The following GRAP variants were observed in gnomAD, a reference collection of about 807,000 sequenced individuals.
GRAP encodes GRB2 related adaptor protein.
Under a neutral mutation model 9.1 loss-of-function variants are expected in GRAP, and 2 were observed. That is an observed-to-expected ratio of 0.22 (90% CI 0.09 to 0.69). GRAP has a LOEUF of 0.69. Ranked by LOEUF, GRAP falls within the 30% of genes least tolerant of loss-of-function variation. The pLI, the probability that GRAP is intolerant of heterozygous loss-of-function variation, is 0.81. For synonymous variants in GRAP, 68 were observed against 73.6 expected (o/e 0.92, Z 0.39); for missense variants, 113 against 179.4 (o/e 0.63, Z 2.12).
rs535140009 is a variant in GRAP, at chr17:19,022,063, T to A, written c.550A>T (p.Ile184Phe). ...TCTGGGCGCTCCAGGACCTCAATGA[T>A]GTCGCCACGGCGGAAGCTGAGCTGC... The part of the protein sequence containing the change: ...PSQLSFRRGD[I>F]IEVLERPDPH... Residue 184 changes from isoleucine (I) to phenylalanine (F), a missense_variant, in exon 5 of 5, where the codon ATC becomes TTC. Ile to Phe is a conservative substitution (Grantham distance 21). This residue lies in a region of GRAP where 113 missense variants were observed against 163.3 expected (regional missense o/e 0.69). Transcript: ENST00000284154. The A allele has an allele frequency of 6.3e-7, 1 of 1,594,718 alleles. No homozygotes were observed.
In GRAP at chr17:19,024,302, G is replaced by A; in HGVS notation, c.381C>T (p.Ser127=). 1.2e-6 allele frequency: 2 copies of A among 1,610,858 alleles called. No individual in the cohort carries two copies. The highest frequency in any genetic ancestry group is 1.7e-6 in the Non-Finnish European group (2 of 1,178,670). ...GGTAGAAGTCGACCAGCTCGTTGAG[G>A]GAGTTGAACTTCTCCTCCCACAGGA... ...KYFLWEEKFN[S]LNELVDFYRT... The change falls in exon 4 of 5, where the codon TCC becomes TCT. Residue 127 remains serine (S), a synonymous_variant. Transcript: ENST00000284154. This position sits in a 1 kb window ranked among gnomAD's most constrained non-coding sequence, Gnocchi z 4.2.
Position 19,021,655 on chromosome 17 carries a change from G to T in GRAP, c.*304C>A, listed in dbSNP as rs1319952416. On this transcript the variant is annotated 3_prime_UTR_variant, in exon 5 of 5. Coordinates refer to ENST00000284154, the MANE Select transcript of GRAP (RefSeq NM_006613.4). The surrounding 1 kb of genome is among the most constrained non-coding windows in gnomAD (Gnocchi z 4.1). The stretch of plus-strand genomic sequence containing the variant: ...AGTCCTCAACCTTCCTGGCAGATGG[G>T]GCCATTGACAAGAGGAGGTGGGCGG... The T allele has an allele frequency of 2.8e-5, 11 of 397,214 alleles. 1 individual carries two copies. In the East Asian group the frequency reaches 3.9e-4, roughly 14 times the overall value. 24.6% of individuals were successfully genotyped at this position (397,214 alleles called of 1,614,324 possible). A position where few individuals can be genotyped will look rare whatever the true frequency, so the allele number is the denominator to read the frequency against.
chr17:19,024,638 A>C lies in GRAP; in HGVS notation c.300-255T>G, dbSNP rs111811667. 0.022 allele frequency: 3,766 copies of C among 169,586 alleles called. 61 individuals carry two copies. Among genetic ancestry groups the C allele is most frequent in the Middle Eastern group, 0.053 (18 of 338 alleles). The allele number at this position is 169,586 out of a possible 1,614,324, so 10.5% of individuals were successfully genotyped here. A position where few individuals can be genotyped will look rare whatever the true frequency, so the allele number is the denominator to read the frequency against. On this transcript the variant is annotated intron_variant, in intron 3 of 4. Transcript: ENST00000284154. The surrounding 1 kb of genome is among the most constrained non-coding windows in gnomAD (Gnocchi z 4.2). ...GGCCACTTTCTCACTGTGTGACCTC[A>C]TGCAAGTCTCTCAACTTCTCTGAAC...
intron 1 of GRAP, among the ~76,000 whole-genome samples, chr17:19,043,942 C>CT (rs1328387112): frequency 2.0e-5 from 3 of 147,168 alleles, no homozygotes; most frequent in African/African-American, 7.4e-5. Flanking sequence ...TAGCTAATTT[C>CT]TTTTTCTTTT....
In GRAP at chr17:19,024,357, T is replaced by C. The variant is rs771072404; in HGVS notation, c.326A>G (p.Lys109Arg). 13 of 1,612,090 alleles carry C rather than the reference T, an allele frequency of 8.1e-6. No individual in the cohort carries two copies. Among genetic ancestry groups the C allele is most frequent in the Admixed American group, 3.3e-5 (2 of 59,902 alleles). Residue 109 changes from lysine to arginine, a missense_variant, in exon 4 of 5, where the codon AAG (lysine) becomes AGG (arginine). By Grantham distance (26) the Lys-to-Arg change is conservative. Around this residue, in one of 2 missense-constraint regions of GRAP, gnomAD observed 113 missense variants for 163.3 expected, o/e 0.69. Coordinates refer to ENST00000284154, the MANE Select transcript of GRAP (RefSeq NM_006613.4). This position sits in a 1 kb window ranked among gnomAD's most constrained non-coding sequence, Gnocchi z 4.2. ...CTTCCCCGAGGCCTCACGCAGCACCTTGAAGTGCTGCACCTGGTCTCCATA... is the reference window on the plus strand; with the variant it reads ...CTTCCCCGAGGCCTCACGCAGCACCCTGAAGTGCTGCACCTGGTCTCCATA... ...VNYGDQVQHFKVLREASGKYF... is the reference protein window; with the variant it reads ...VNYGDQVQHFRVLREASGKYF...
intron 4 of GRAP, among the ~76,000 whole-genome samples, chr17:19,023,256 G>A (rs2044287395): frequency 6.6e-6 from 1 of 152,182 alleles, no homozygotes; most frequent in African/African-American, 2.4e-5. Context: ...TCAGACCCCA[G>A]GGCTCATCCT....
At chr17:19,043,399 T>TG (rs1282953666) in intron 1 of GRAP, among the ~76,000 whole-genome samples, 2 of 148,954 alleles carry the variant, frequency 1.3e-5, no homozygotes, top group Non-Finnish European at 3.0e-5. Context: ...CTGAAGAGGG[T>TG]GGACCACCTG....
At chr17:19,023,998 C>T (rs1461827529) in intron 4 of GRAP, among the ~76,000 whole-genome samples, 2 of 152,192 alleles carry the variant, frequency 1.3e-5, no homozygotes, top group Non-Finnish European at 2.9e-5. Context: ...CTGTCCTTTG[C>T]TTTTCTTTCC....
chr17:19,024,089 T>C lies in GRAP; in HGVS notation c.468+126A>G, dbSNP rs1202136146. The C allele has an allele frequency of 5.3e-6, 5 of 946,942 alleles. No homozygotes were observed. Among genetic ancestry groups the C allele is most frequent in the African/African-American group, 3.3e-5 (2 of 60,858 alleles). The allele number at this position is 946,942 out of a possible 1,614,324, so 58.7% of individuals were successfully genotyped here. A position where few individuals can be genotyped will look rare whatever the true frequency, so the allele number is the denominator to read the frequency against. ...TTCGAAGCCTGGGCTGGACGCCTCT[T>C]GCAATACCAGGCTGCTGGGGAAGTG... On this transcript the variant is annotated intron_variant, in intron 4 of 4. Coordinates refer to ENST00000284154, the MANE Select transcript of GRAP (RefSeq NM_006613.4). This position sits in a 1 kb window ranked among gnomAD's most constrained non-coding sequence, Gnocchi z 4.2.
Position 19,022,055 on chromosome 17 carries a change from C to T in GRAP, c.558G>A (p.Glu186=). ...AGTGGGGGTCTGGGCGCTCCAGGAC[C>T]TCAATGATGTCGCCACGGCGGAAGC... ...QLSFRRGDII[E]VLERPDPHWW... is the part of the protein sequence containing the mutation. The change falls in exon 5 of 5, where the codon GAG becomes GAA. Residue 186 remains glutamate (E), a synonymous_variant. Coordinates refer to ENST00000284154, the MANE Select transcript of GRAP (RefSeq NM_006613.4). 1 of 1,596,630 alleles carries T rather than the reference C, an allele frequency of 6.3e-7. No homozygotes were observed. The highest frequency in any genetic ancestry group is 1.1e-5 in the South Asian group (1 of 88,154).
intron 3 of GRAP, chr17:19,030,419 C>T (rs2044331946): frequency 8.5e-6 from 1 of 117,320 alleles, no homozygotes; most frequent in African/African-American, 8.7e-5. Flanking sequence ...CAGGCATGGC[C>T]CCTCTCTGGC....
rs528150785 is a variant in GRAP, at chr17:19,021,848, A to G, written c.*111T>C. On this transcript the variant is annotated 3_prime_UTR_variant, in exon 5 of 5. Transcript: ENST00000284154. This position sits in a 1 kb window ranked among gnomAD's most constrained non-coding sequence, Gnocchi z 4.1. Reference sequence around the variant, plus strand: ...CAGTTAGGAGCCCACGTTCAGTCCAAGGCCGTCCACTGAGCCCCGTGTGAC... The same window carrying G: ...CAGTTAGGAGCCCACGTTCAGTCCAGGGCCGTCCACTGAGCCCCGTGTGAC... The G allele has an allele frequency of 5.0e-6, 6 of 1,196,356 alleles. No homozygotes were observed. The Admixed American group carries it at 1.8e-4, about 36-fold the overall frequency. The allele number at this position is 1,196,356 out of a possible 1,614,324, so 74.1% of individuals were successfully genotyped here.
At chr17:19,048,419 C>G (rs1865295106), upstream of GRAP, among the ~76,000 whole-genome samples, 1 of 110,130 alleles carries the variant, frequency 9.1e-6, no homozygotes, top group Admixed American at 9.3e-5. Flanking sequence ...TGTGAAGTCA[C>G]ATTGTTTTTT....
Position 19,022,161 on chromosome 17 carries a change from T to G in GRAP, c.469-17A>C. ...CCCAGGTGACTGCAAGAAGAGGAGG[T>G]GGTTAGTAGGGTGCCTTCAGAAGCC... is the stretch of plus-strand genomic sequence containing the variant. On this transcript the variant is annotated splice_polypyrimidine_tract_variant and intron_variant, in intron 4 of 4. Transcript: ENST00000284154. 7.1e-7 allele frequency: 1 copy of G among 1,400,936 alleles called. No individual in the cohort carries two copies. The highest frequency in any genetic ancestry group is 9.4e-7 in the Non-Finnish European group (1 of 1,059,322). 86.8% of individuals were successfully genotyped at this position (1,400,936 alleles called of 1,614,324 possible). A position where few individuals can be genotyped will look rare whatever the true frequency, so the allele number is the denominator to read the frequency against.
rs2044294138 is a variant in GRAP, at chr17:19,024,105, T to C, written c.468+110A>G. ...GACGCCTCTTGCAATACCAGGCTGC[T>C]GGGGAAGTGAGACCAGGCCCGTGCT... is the stretch of plus-strand genomic sequence containing the variant. On this transcript the variant is annotated intron_variant, in intron 4 of 4. Coordinates refer to ENST00000284154, the MANE Select transcript of GRAP (RefSeq NM_006613.4). This position sits in a 1 kb window ranked among gnomAD's most constrained non-coding sequence, Gnocchi z 4.2. 9.1e-7 allele frequency: 1 copy of C among 1,096,540 alleles called. No individual in the cohort carries two copies. Among genetic ancestry groups the C allele is most frequent in the Non-Finnish European group, 1.3e-6 (1 of 756,232 alleles). 67.9% of individuals were successfully genotyped at this position (1,096,540 alleles called of 1,614,324 possible). A position where few individuals can be genotyped will look rare whatever the true frequency, so the allele number is the denominator to read the frequency against.
intron 3 of GRAP, chr17:19,031,846 G>C (rs1386197566): frequency 6.6e-6 from 1 of 150,626 alleles, no homozygotes; most frequent in African/African-American, 2.4e-5. Context: ...CCCCATGACA[G>C]ATGATGGACA....
In GRAP at chr17:19,021,968, C is replaced by A; in HGVS notation, c.645G>T (p.Val215=). Residue 215 remains valine, a synonymous_variant, in exon 5 of 5, where the codon GTG becomes GTT. Coordinates refer to ENST00000284154, the MANE Select transcript of GRAP (RefSeq NM_006613.4). The surrounding 1 kb of genome is among the most constrained non-coding windows in gnomAD (Gnocchi z 4.1). ...TCGGCCGCCGGGCTGCTCACAGGTG[C>A]ACGGGCTGCACGTAACTCCGTGGGA... The part of the protein sequence containing the change: ...GFFPRSYVQP[V]HL 1.9e-6 allele frequency: 3 copies of A among 1,556,154 alleles called. No homozygotes were observed. Among genetic ancestry groups the A allele is most frequent in the Non-Finnish European group, 2.6e-6 (3 of 1,152,836 alleles).
rs867414958 is a variant in GRAP at position 19,027,478 on chromosome 17, G to A, written c.300-3095C>T. On this transcript the variant is annotated intron_variant, in intron 3 of 4. Coordinates refer to ENST00000284154, the MANE Select transcript of GRAP (RefSeq NM_006613.4). ...GCCTTGATGGGACACATGCGCGCGC[G>A]CGCGCGCACACACACACACACACAC... Among the ~76,000 whole-genome samples the A allele has an allele frequency of 9.4e-3, 757 of 80,578 alleles. 33 individuals are homozygous for A. The highest frequency in any genetic ancestry group is 0.094 in the East Asian group (362 of 3,854). 52.9% of individuals were successfully genotyped at this position (80,578 alleles called of 152,430 possible).
chr17:19,024,469 G>A lies in GRAP; in HGVS notation c.300-86C>T. ...GGGGCTCCCGTCTCACTACCACCTGGAACCAGCCTGTCTCACGGTGGGACC... is the reference window on the plus strand; with the variant it reads ...GGGGCTCCCGTCTCACTACCACCTGAAACCAGCCTGTCTCACGGTGGGACC... On this transcript the variant is annotated intron_variant, in intron 3 of 4. Transcript: ENST00000284154. This position sits in a 1 kb window ranked among gnomAD's most constrained non-coding sequence, Gnocchi z 4.2. 6.6e-7 allele frequency: 1 copy of A among 1,515,616 alleles called. No homozygotes were observed. The highest frequency in any genetic ancestry group is 1.4e-5 in the African/African-American group (1 of 72,266). 93.9% of individuals were successfully genotyped at this position (1,515,616 alleles called of 1,614,324 possible). A position where few individuals can be genotyped will look rare whatever the true frequency, so the allele number is the denominator to read the frequency against.
Sources: gnomAD v4.1 joint callset for allele counts (sites outside exome capture counted in the v4.1 genomes callset) on GRCh38, gnomAD v4.1.1 for gene constraint, gnomAD v4.1.1 regional missense constraint, Gnocchi (gnomAD v3.1) non-coding constraint, MANE v1.5 for transcripts, NCBI Gene and HGNC (gene_info 2026-07-23, HGNC 2026-07-21) for gene names.